ZFHX3: variants seen among roughly 807,000 people sequenced by gnomAD.
ZFHX3 encodes the protein zinc finger homeobox 3.
ZFHX3 carries 42 observed loss-of-function variants against 279.1 expected under a neutral mutation model. The observed-to-expected ratio is 0.15, with a 90% CI of 0.12 to 0.19. The LOEUF (loss-of-function observed/expected upper bound fraction) is 0.19, where lower values mean the gene tolerates loss of function less well. ZFHX3 is among the 10% of genes least tolerant of loss of function. ZFHX3 has a pLI of 1.00. For synonymous variants in ZFHX3, 2,293 were observed against 1,957.8 expected, an observed-to-expected ratio of 1.17 and a Z score of -4.52; for missense variants, 4,981 against 4,754.0, an observed-to-expected ratio of 1.05 and a Z score of -1.40.
chr16:72,784,038 CGG>C lies in ZFHX3; in HGVS notation c.*3124_*3125del, dbSNP rs909998122. ...TTTTTTCAATGAACATATATGTGGG[CGG>C]TTTAGTTGCAGAGGAAAGCATTAAG... On this transcript the variant is annotated 3_prime_UTR_variant, in exon 10 of 10. Transcript: ENST00000268489. 4.6e-5 allele frequency: 7 copies of C among 152,340 alleles called. No homozygotes were observed. The highest frequency in any genetic ancestry group is 1.0e-4 in the Non-Finnish European group (7 of 68,036). 9.4% of individuals were successfully genotyped at this position (152,340 alleles called of 1,614,324 possible). A position where few individuals can be genotyped will look rare whatever the true frequency, so the allele number is the denominator to read the frequency against.
intron 1 of ZFHX3, among the ~76,000 whole-genome samples, chr16:73,882,548 C>A (rs904216942): frequency 6.6e-6 from 1 of 151,870 alleles, no homozygotes; most frequent in Non-Finnish European, 1.5e-5. Context: ...TTTGATGGCT[C>A]TGAGTCCTCA....
chr16:72,919,907 C>A (rs1170401290), intron 3 of ZFHX3, among the ~76,000 whole-genome samples: 1 of 148,038 alleles, frequency 6.8e-6, no homozygotes, highest in African/African-American at 2.5e-5. Flanking sequence ...GATTCTCCTG[C>A]CTCAGCCTCC....
intron 3 of ZFHX3, among the ~76,000 whole-genome samples, chr16:72,919,523 G>A (rs552629684): frequency 2.6e-5 from 4 of 151,982 alleles, no homozygotes; most frequent in South Asian, 2.1e-4. Context: ...AAGAATCCTT[G>A]AGCCAGGTGG....
intron 4 of ZFHX3, among the ~76,000 whole-genome samples, chr16:72,853,867 G>A (rs1175449647): frequency 6.6e-6 from 1 of 151,922 alleles, no homozygotes; most frequent in African/African-American, 2.4e-5. Flanking sequence ...AGAGCTAGGT[G>A]CACAGACTAA....
chr16:72,845,346 C>G (rs1475037592), intron 4 of ZFHX3, among the ~76,000 whole-genome samples: 1 of 152,172 alleles, frequency 6.6e-6, no homozygotes, highest in African/African-American at 2.4e-5. Flanking sequence ...TTATTTCCCT[C>G]AATTATGTGC....
At chr16:72,914,514 G>T (rs2039393634) in intron 3 of ZFHX3, among the ~76,000 whole-genome samples, 1 of 152,132 alleles carries the variant, frequency 6.6e-6, no homozygotes, top group Admixed American at 6.5e-5. Context: ...GCAGACTTGG[G>T]GGAGAAACTT....
intron 3 of ZFHX3, among the ~76,000 whole-genome samples, chr16:73,360,878 A>G (rs1198312709): frequency 6.6e-6 from 1 of 152,102 alleles, no homozygotes; most frequent in East Asian, 1.9e-4. Flanking sequence ...GTTTTTTCTA[A>G]TGGAACCGTG....
At chr16:73,877,909 A>G (rs1487743962) in intron 1 of ZFHX3, among the ~76,000 whole-genome samples, 2 of 152,068 alleles carry the variant, frequency 1.3e-5, no homozygotes, top group African/African-American at 4.8e-5. Context: ...AAGAAAATCC[A>G]TTTTGATTCT....
At chr16:72,871,485 G>A (rs1435788413) in intron 4 of ZFHX3, among the ~76,000 whole-genome samples, 1 of 151,940 alleles carries the variant, frequency 6.6e-6, no homozygotes, top group African/African-American at 2.4e-5. Context: ...GGGATTACAA[G>A]CACGCGCCAC....
At chr16:73,041,924 TA>T (rs1376848996) in intron 1 of ZFHX3, among the ~76,000 whole-genome samples, 1 of 151,996 alleles carries the variant, frequency 6.6e-6, no homozygotes, top group Non-Finnish European at 1.5e-5. Flanking sequence ...AACAATTGTT[TA>T]AAAAAAGAAA....
intron 5 of ZFHX3, among the ~76,000 whole-genome samples, chr16:72,822,899 A>C (rs2036835656): frequency 6.6e-6 from 1 of 151,832 alleles, no homozygotes; most frequent in African/African-American, 2.4e-5. Context: ...TATGACTTAC[A>C]ACATAAATTC....
chr16:72,977,834 G>T (rs1444361483), intron 1 of ZFHX3, among the ~76,000 whole-genome samples: 1 of 152,092 alleles, frequency 6.6e-6, no homozygotes, highest in East Asian at 1.9e-4. Flanking sequence ...AAGAAAAAGG[G>T]GAAGAAGAAA....
At chr16:73,245,731 T>A (rs893967875) in intron 5 of ZFHX3, among the ~76,000 whole-genome samples, 4 of 152,136 alleles carry the variant, frequency 2.6e-5, no homozygotes, top group African/African-American at 9.7e-5. Context: ...CTCATCAGAT[T>A]GTAGCCCCTA....
chr16:72,967,000 G>A (rs578101602), intron 1 of ZFHX3, among the ~76,000 whole-genome samples: 2 of 152,270 alleles, frequency 1.3e-5, no homozygotes, highest in South Asian at 4.2e-4. Context: ...TCATTCCTGG[G>A]TGTTATCTAT....
chr16:72,801,777 T>C (rs1421216622), intron 7 of ZFHX3, among the ~76,000 whole-genome samples: 2 of 152,132 alleles, frequency 1.3e-5, no homozygotes, highest in African/African-American at 2.4e-5. Flanking sequence ...TCATTCCATC[T>C]ATTTTCTTTT....
intron 7 of ZFHX3, among the ~76,000 whole-genome samples, chr16:72,805,114 A>T (rs1020681845): frequency 1.3e-5 from 2 of 151,856 alleles, no homozygotes; most frequent in Non-Finnish European, 2.9e-5. Flanking sequence ...AGTAGCTGGG[A>T]TTACAGATGT....
At position 72,957,875 on chromosome 16, in the gene ZFHX3, C is replaced by T. The variant is rs1256377875; in HGVS notation, c.2271G>A (p.Leu757=). 6 of 1,613,988 alleles carry T rather than the reference C, an allele frequency of 3.7e-6. No homozygotes were observed. Among genetic ancestry groups the T allele is most frequent in the South Asian group, 2.2e-5 (2 of 91,092 alleles). ...AGACCTGCTCCCCCCCTCCATTCTG[C>T]AGGTTCTGCATGTTGTTGAGATGCT... ...SDKHLNNMQN[L]QNGGGEQVFS... Residue 757 remains leucine (L), a synonymous_variant, in exon 2 of 10, where the codon CTG becomes CTA. Coordinates refer to ENST00000268489, the MANE Select transcript of ZFHX3 (RefSeq NM_006885.4).
intron 3 of ZFHX3, among the ~76,000 whole-genome samples, chr16:73,390,830 G>A (rs1218094441): frequency 1.3e-5 from 2 of 151,974 alleles, no homozygotes; most frequent in Non-Finnish European, 2.9e-5. Context: ...CCATGTCAGA[G>A]TTACTGAGGA....
At chr16:72,957,392 A>G (rs545609487) in intron 2 of ZFHX3, 35 bp downstream of exon 2, 42 of 1,560,382 alleles carry the variant, frequency 2.7e-5, no homozygotes, top group South Asian at 3.7e-5. Flanking sequence ...TTAAACTCCT[A>G]TCATGAAAAC....
Sources: gnomAD v4.1 joint callset for allele counts (sites outside exome capture counted in the v4.1 genomes callset) on GRCh38, gnomAD v4.1.1 for gene constraint, MANE v1.5 for transcripts, NCBI Gene and HGNC (gene_info 2026-07-23, HGNC 2026-07-21) for gene names.